The following CDK12 variants were observed in gnomAD, a reference collection of about 807,000 sequenced individuals.
The protein encoded by CDK12 is cyclin dependent kinase 12.
Under a neutral mutation model 133.8 loss-of-function variants are expected in CDK12, and 17 were observed. That is an observed-to-expected ratio of 0.13 (90% CI 0.09 to 0.19). CDK12 has a LOEUF of 0.19. CDK12 is among the 10% of genes least tolerant of loss of function. CDK12 has a pLI of 1.00. For synonymous variants in CDK12, 694 were observed against 683.6 expected, an observed-to-expected ratio of 1.02 and a Z score of -0.24; for missense variants, 1,508 against 1,818.7, an observed-to-expected ratio of 0.83 and a Z score of 3.11.
intron 11 of CDK12, among the ~76,000 whole-genome samples, chr17:39,520,668 TA>T (rs1402409606): frequency 6.6e-6 from 1 of 150,836 alleles, no homozygotes; most frequent in African/African-American, 2.4e-5. Flanking sequence ...ATTACAGGCG[TA>T]AGCCACTGCG....
intron 2 of CDK12, among the ~76,000 whole-genome samples, chr17:39,477,795 G>A (rs2050334693): frequency 2.0e-5 from 3 of 151,080 alleles, no homozygotes; most frequent in Admixed American, 6.6e-5. Context: ...GGATGATCTC[G>A]ATCTCCTGAC....
At chr17:39,473,020 A>G (rs1210811753) in intron 2 of CDK12, among the ~76,000 whole-genome samples, 1 of 151,994 alleles carries the variant, frequency 6.6e-6, no homozygotes, top group East Asian at 1.9e-4. Flanking sequence ...AGGTTGCAGT[A>G]AGTCGAAATC....
In CDK12 at chr17:39,462,201, C is replaced by A. The variant is rs1286835635; in HGVS notation, c.130C>A (p.Arg44=). The A allele has an allele frequency of 1.2e-6, 2 of 1,614,212 alleles. No individual in the cohort carries two copies. The highest frequency in any genetic ancestry group is 8.5e-7 in the Non-Finnish European group (1 of 1,180,042). ...ERHRLVSKHK[R]HKSKHSKDMG... ...TCACCGCTTGGTATCGAAGCACAAGCGGCATAAGTCCAAACACTCCAAAGA... is the reference window on the plus strand; with the variant it reads ...TCACCGCTTGGTATCGAAGCACAAGAGGCATAAGTCCAAACACTCCAAAGA... The change falls in exon 1 of 14, where the codon CGG becomes AGG. Residue 44 remains arginine (R), a synonymous_variant. Transcript: ENST00000447079.
intron 5 of CDK12, 98 bp from the exon 6 acceptor site, chr17:39,501,152 C>G (rs1396735640): frequency 6.4e-6 from 5 of 786,610 alleles, no homozygotes; most frequent in Non-Finnish European, 9.8e-6. Context: ...TTCTAGAGAA[C>G]CTGTGGTCAA....
chr17:39,557,794 C>T (rs2056216131), intron 3 of CDK12, among the ~76,000 whole-genome samples: 1 of 152,190 alleles, frequency 6.6e-6, no homozygotes, highest in South Asian at 2.1e-4. Flanking sequence ...TTCTAAATGT[C>T]ATGTAGTATG....
Position 39,463,046 on chromosome 17 carries a change from T to C in CDK12, c.975T>C (p.Ser325=). 1.2e-6 allele frequency: 2 copies of C among 1,614,154 alleles called. No individual in the cohort carries two copies. Among genetic ancestry groups the C allele is most frequent in the African/African-American group, 2.7e-5 (2 of 75,038 alleles). ...RSGSYSGRSP[S]PYGRRRSSSP... is the part of the protein sequence containing the mutation. The stretch of plus-strand genomic sequence containing the variant: ...GCTCTTACAGCGGGCGATCGCCCAG[T>C]CCCTATGGTCGAAGGCGGTCCAGCA... Residue 325 remains serine, a synonymous_variant, in exon 1 of 14, where the codon AGT becomes AGC. Transcript: ENST00000447079.
rs77371913 is a variant in CDK12 at position 39,488,270 on chromosome 17, C to G, written c.1932-2287C>G. ...AAGATTGAAAACTGACTTTTCTGAT[C>G]TATTCCTGGAAACCTATCTTTCTAC... On this transcript the variant is annotated intron_variant, in intron 2 of 13. Transcript: ENST00000447079. Among the ~76,000 whole-genome samples, 1,405 of 151,988 alleles carry G rather than the reference C, an allele frequency of 9.2e-3. 18 individuals carry two copies. Among genetic ancestry groups the G allele is most frequent in the African/African-American group, 0.032 (1,327 of 41,494 alleles).
At chr17:39,492,704 C>T (rs765488647) in intron 3 of CDK12, 47 bp from the exon 4 acceptor site, 18 of 1,530,934 alleles carry the variant, frequency 1.2e-5, no homozygotes, top group South Asian at 3.6e-5. Context: ...CCACCGCGCC[C>T]GGCCTTCATT....
At chr17:39,510,813 A>G (rs560362083) in intron 7 of CDK12, among the ~76,000 whole-genome samples, 2 of 150,818 alleles carry the variant, frequency 1.3e-5, no homozygotes, top group South Asian at 2.1e-4. Context: ...GGGTTTCTCC[A>G]TGTTGGTCAC....
At chr17:39,502,567 T>C (rs764596304) in intron 6 of CDK12, among the ~76,000 whole-genome samples, 1 of 152,232 alleles carries the variant, frequency 6.6e-6, no homozygotes, top group African/African-American at 2.4e-5. Context: ...GGGACTGTCC[T>C]GGTTTTAGCA....
chr17:39,559,149 C>T (rs922027258), intron 3 of CDK12, among the ~76,000 whole-genome samples: 6 of 152,170 alleles, frequency 3.9e-5, no homozygotes, highest in African/African-American at 1.4e-4. Context: ...AATAATCTAT[C>T]AAGGCTTTTA....
intron 1 of CDK12, among the ~76,000 whole-genome samples, chr17:39,541,191 G>A (rs933841650): frequency 2.0e-5 from 3 of 147,696 alleles, no homozygotes; most frequent in Admixed American, 6.7e-5. Flanking sequence ...TACTACTTAT[G>A]GGGGGCTCCC....
chr17:39,564,522 T>G (rs1460069898), intron 3 of CDK12, among the ~76,000 whole-genome samples: 1 of 152,214 alleles, frequency 6.6e-6, no homozygotes, highest in Non-Finnish European at 1.5e-5. Context: ...ATAGCTGGCC[T>G]GCTATTCAGA....
intron 3 of CDK12, among the ~76,000 whole-genome samples, chr17:39,491,202 T>G (rs1260084796): frequency 6.6e-6 from 1 of 152,074 alleles, no homozygotes; most frequent in Non-Finnish European, 1.5e-5. Context: ...TAAAAATAGG[T>G]ATCATTTATT....
intron 10 of CDK12, among the ~76,000 whole-genome samples, chr17:39,518,259 G>T (rs1488847058): frequency 6.6e-6 from 1 of 151,910 alleles, no homozygotes; most frequent in Non-Finnish European, 1.5e-5. Flanking sequence ...TTATAGGCGT[G>T]AGCCTCTGAG....
In CDK12 at chr17:39,475,247, A is replaced by G. The variant is rs548946584; in HGVS notation, c.1931+3484A>G. The stretch of plus-strand genomic sequence containing the variant: ...TACTTTGGGAGGCCATGGTGGGAGG[A>G]CTGTTTAAGGCCAGGAGTTCAAAAC... On this transcript the variant is annotated intron_variant, in intron 2 of 13. Coordinates refer to ENST00000447079, the MANE Select transcript of CDK12 (RefSeq NM_016507.4). Among the ~76,000 whole-genome samples the G allele has an allele frequency of 3.3e-5, 5 of 152,068 alleles. No homozygotes were observed. In the East Asian group the frequency reaches 9.8e-4, roughly 30 times the overall value.
intron 10 of CDK12, among the ~76,000 whole-genome samples, chr17:39,518,707 C>T (rs1372432509): frequency 6.6e-6 from 1 of 151,774 alleles, no homozygotes. Context: ...TACAGGCACC[C>T]GCCACCATGC....
rs71843922 is a variant in CDK12, at chr17:39,532,102, T to TTC, written c.*826_*827dup. The TTC allele has an allele frequency of 0.018, 3,894 of 218,010 alleles. 46 individuals carry two copies. The highest frequency in any genetic ancestry group is 0.032 in the Middle Eastern group (24 of 754). 13.5% of individuals were successfully genotyped at this position (218,010 alleles called of 1,614,324 possible). A position where few individuals can be genotyped will look rare whatever the true frequency, so the allele number is the denominator to read the frequency against. On this transcript the variant is annotated 3_prime_UTR_variant, in exon 14 of 14. Transcript: ENST00000447079. ...GCTGATGTGTGCTCTCTCTCTCTCT[T>TTC]TCTCTCTCTCTCTCTCTCTCTCTCT...
At chr17:39,510,397 G>A (rs955050114) in intron 7 of CDK12, among the ~76,000 whole-genome samples, 6 of 152,038 alleles carry the variant, frequency 3.9e-5, no homozygotes, top group Non-Finnish European at 1.5e-5. Flanking sequence ...GGGATTACAG[G>A]CGTGAGCCAC....
Sources: gnomAD v4.1 joint callset for allele counts (sites outside exome capture counted in the v4.1 genomes callset) on GRCh38, gnomAD v4.1.1 for gene constraint, MANE v1.5 for transcripts, NCBI Gene and HGNC (gene_info 2026-07-23, HGNC 2026-07-21) for gene names.